GLIS3: variants seen among roughly 807,000 people sequenced by gnomAD.
GLIS3 encodes the protein zinc finger protein GLIS3.
GLIS3 carries 53 observed loss-of-function variants against 78.6 expected under a neutral mutation model. The observed-to-expected ratio is 0.67, with a 90% confidence interval of 0.54 to 0.85. The LOEUF (loss-of-function observed/expected upper bound fraction) is 0.85. Ranked by LOEUF, GLIS3 falls within the 40% of genes least tolerant of loss-of-function variation. The pLI, the probability that GLIS3 is intolerant of heterozygous loss-of-function variation, is 0.00. For synonymous variants in GLIS3, 684 were observed against 509.9 expected, an observed-to-expected ratio of 1.34 and a Z score of -4.60; for missense variants, 1,703 against 1,231.1, an observed-to-expected ratio of 1.38 and a Z score of -5.74.
intron 4 of GLIS3, among the ~76,000 whole-genome samples, chr9:3,956,809 T>C (rs1050935533): frequency 1.3e-5 from 2 of 152,216 alleles, no homozygotes; most frequent in Admixed American, 6.5e-5. Context: ...GGATGTTTCA[T>C]CTTTATCTGG....
chr9:3,933,358 C>G (rs1825728967), intron 5 of GLIS3, among the ~76,000 whole-genome samples: 1 of 152,034 alleles, frequency 6.6e-6, no homozygotes, highest in African/African-American at 2.4e-5. Flanking sequence ...ATTTTTGTAT[C>G]CTTCGTGCTT....
intron 4 of GLIS3, among the ~76,000 whole-genome samples, chr9:4,072,110 T>C (rs529959243): frequency 6.6e-4 from 101 of 152,306 alleles, no homozygotes; most frequent in African/African-American, 2.4e-3. Context: ...TCTTCTTAAA[T>C]CATGAAAATC....
Position 4,309,360 on chromosome 9 carries a change from T to C in GLIS3, n.393-392A>G, listed in dbSNP as rs369327319. On this transcript the variant is annotated intron_variant and non_coding_transcript_variant, in intron 3 of 4. Transcript: ENST00000471664. ...AGTTAATACTTTTTTAAAAAACAAG[T>C]CATTTAAACAATTTCCACTTATGAA... 1.9e-3 allele frequency among the ~76,000 whole-genome samples: 288 copies of C among 152,282 alleles called. 2 individuals carry two copies. The highest frequency in any genetic ancestry group is 6.5e-3 in the African/African-American group (269 of 41,564).
rs529979668 is a variant in GLIS3, at chr9:3,909,246, A to G, written c.1984-10411T>C. Among the ~76,000 whole-genome samples the G allele has an allele frequency of 4.6e-5, 7 of 152,376 alleles. 2 individuals are homozygous for G. In the South Asian group the frequency reaches 1.4e-3, roughly 32 times the overall value. ...TAACTCATTGCCAAAAGGCTTAAAAATAATTACAATGAATTAACCTATTAT... is the reference window on the plus strand; with the variant it reads ...TAACTCATTGCCAAAAGGCTTAAAAGTAATTACAATGAATTAACCTATTAT... On this transcript the variant is annotated intron_variant, in intron 6 of 10. Coordinates refer to ENST00000381971, the MANE Select transcript of GLIS3 (RefSeq NM_001042413.2).
intron 2 of GLIS3, among the ~76,000 whole-genome samples, chr9:4,257,350 T>G (rs550034374): frequency 6.6e-6 from 1 of 152,190 alleles, no homozygotes; most frequent in African/African-American, 2.4e-5. Flanking sequence ...GAGATGCAAG[T>G]CAAAGGGCAC....
chr9:4,161,876 G>C (rs984416462), intron 2 of GLIS3, among the ~76,000 whole-genome samples: 1 of 151,124 alleles, frequency 6.6e-6, no homozygotes. Context: ...GTAGAGATGG[G>C]GGTTTCACCA....
Position 4,208,205 on chromosome 9 carries a change from A to C in GLIS3, c.388+77833T>G, listed in dbSNP as rs140477441. Among the ~76,000 whole-genome samples the C allele has an allele frequency of 9.1e-4, 138 of 152,360 alleles. 1 individual carries two copies. The highest frequency in any genetic ancestry group is 1.7e-3 in the Non-Finnish European group (114 of 68,032). Reference sequence around the variant, plus strand: ...GTAATCTAAGAAACTGATTTCTAAAATATGGCTTCTTTATACGACAACAAG... The same window carrying C: ...GTAATCTAAGAAACTGATTTCTAAACTATGGCTTCTTTATACGACAACAAG... On this transcript the variant is annotated intron_variant, in intron 2 of 10. Coordinates refer to ENST00000381971, the MANE Select transcript of GLIS3 (RefSeq NM_001042413.2).
chr9:4,290,121 GC>G (rs1276068930), intron 1 of GLIS3, among the ~76,000 whole-genome samples: 2 of 152,024 alleles, frequency 1.3e-5, no homozygotes, highest in Non-Finnish European at 2.9e-5. Flanking sequence ...ACAGCTAAAG[GC>G]CCTTTCTTAG....
intron 2 of GLIS3, among the ~76,000 whole-genome samples, chr9:4,129,824 T>A (rs1366394136): frequency 2.6e-5 from 4 of 152,048 alleles, no homozygotes; most frequent in Non-Finnish European, 4.4e-5. Flanking sequence ...TGGACAGAAG[T>A]TGAAAGAGTG....
At chr9:3,857,705 C>G (rs185910973) in intron 8 of GLIS3, among the ~76,000 whole-genome samples, 1 of 152,130 alleles carries the variant, frequency 6.6e-6, no homozygotes, top group Non-Finnish European at 1.5e-5. Context: ...GTGACTGCAC[C>G]GTGCTGAGTA....
At chr9:4,403,019 A>T in the GLIS3 span, among the ~76,000 whole-genome samples, 2 of 152,256 alleles carry the variant, frequency 1.3e-5, no homozygotes, top group East Asian at 3.8e-4. Context: ...CAAAGCATTT[A>T]TTAATCAAAC....
intron 2 of GLIS3, among the ~76,000 whole-genome samples, chr9:4,152,560 A>C: frequency 6.6e-6 from 1 of 152,148 alleles, no homozygotes; most frequent in East Asian, 1.9e-4. Context: ...GCAGGTGAGT[A>C]ATTAAATAAT....
chr9:4,297,612 G>GGGCC (rs1816661337), intron 1 of GLIS3, among the ~76,000 whole-genome samples: 1 of 152,154 alleles, frequency 6.6e-6, no homozygotes, highest in Non-Finnish European at 1.5e-5. Context: ...TTGTGAAACG[G>GGGCC]GGCCGCGACT....
intron 4 of GLIS3, among the ~76,000 whole-genome samples, chr9:4,094,262 T>A (rs967404252): frequency 6.6e-6 from 1 of 152,212 alleles, no homozygotes; most frequent in East Asian, 1.9e-4. Flanking sequence ...TTAGTAAATA[T>A]CAGAATCTTG....
the GLIS3 span, among the ~76,000 whole-genome samples, chr9:4,406,389 T>G: frequency 6.6e-6 from 1 of 152,198 alleles, no homozygotes; most frequent in Non-Finnish European, 1.5e-5. Flanking sequence ...TGTGCGATCT[T>G]GGCTTACTGC....
At chr9:4,484,634 C>T in the GLIS3 span, among the ~76,000 whole-genome samples, 1 of 151,906 alleles carries the variant, frequency 6.6e-6, no homozygotes, top group African/African-American at 2.4e-5. Flanking sequence ...CCAGGCTAGG[C>T]TCGAACTCCC....
chr9:4,021,600 T>C (rs1822889792), intron 4 of GLIS3, among the ~76,000 whole-genome samples: 1 of 152,180 alleles, frequency 6.6e-6, no homozygotes, highest in African/African-American at 2.4e-5. Context: ...GCTTTCCTAT[T>C]CAACAGTTGA....
intron 2 of GLIS3, among the ~76,000 whole-genome samples, chr9:4,166,255 G>C (rs1432122407): frequency 6.6e-6 from 1 of 152,134 alleles, no homozygotes; most frequent in East Asian, 1.9e-4. Context: ...GAATTGAAGA[G>C]ATCTATAGGG....
At chr9:4,403,189 A>G in the GLIS3 span, among the ~76,000 whole-genome samples, 1 of 152,204 alleles carries the variant, frequency 6.6e-6, no homozygotes, top group African/African-American at 2.4e-5. Flanking sequence ...CTGACGGAAC[A>G]TAACTTTTAC....
Sources: gnomAD v4.1 joint callset for allele counts (sites outside exome capture counted in the v4.1 genomes callset) on GRCh38, gnomAD v4.1.1 for gene constraint, MANE v1.5 for transcripts, NCBI Gene and HGNC (gene_info 2026-07-23, HGNC 2026-07-21) for gene names.